ACOT12: variants seen among roughly 807,000 people sequenced by gnomAD.
The protein encoded by ACOT12 is acyl-CoA thioesterase 12.
Under a neutral mutation model 67.7 loss-of-function variants are expected in ACOT12, and 51 were observed. That is an observed-to-expected ratio of 0.75 (90% CI 0.60 to 0.95). ACOT12 has a LOEUF of 0.95. Ranked by LOEUF, ACOT12 falls within the 40% of genes least tolerant of loss-of-function variation. ACOT12 has a pLI of 0.00. For missense variants in ACOT12, 734 were observed against 708.1 expected, an observed-to-expected ratio of 1.04 and a Z score of -0.41; for synonymous variants, 251 against 244.6, an observed-to-expected ratio of 1.03 and a Z score of -0.24.
chr5:81,319,996 A>G, the ACOT12 span, among the ~76,000 whole-genome samples: 6 of 152,196 alleles, frequency 3.9e-5, no homozygotes, highest in Non-Finnish European at 8.8e-5. Flanking sequence ...TTGCAGTAAG[A>G]AATGATAGTG....
At chr5:81,385,869 G>A (rs763165026) in intron 1 of ACOT12, 43 bp from the exon 2 acceptor site, 2 of 1,566,572 alleles carry the variant, frequency 1.3e-6, no homozygotes, top group African/African-American at 2.7e-5. Flanking sequence ...GTGGTGATAT[G>A]AGAATATTTC....
rs532199941 is a variant in ACOT12, at chr5:81,344,823, G to A, written c.924+68C>T. The stretch of plus-strand genomic sequence containing the variant: ...GAGCCAAAGAGGTTGTTGCCGGTGG[G>A]AGGAGATTCTAGGTAGAGCTCTCTA... On this transcript the variant is annotated intron_variant, in intron 8 of 14. Coordinates refer to ENST00000307624, the MANE Select transcript of ACOT12 (RefSeq NM_130767.3). 163 of 1,570,346 alleles carry A rather than the reference G, an allele frequency of 1.0e-4. No homozygotes were observed. The African/African-American group carries it at 1.7e-3, about 17-fold the overall frequency.
chr5:81,385,624 G>T, intron 2 of ACOT12, 133 bp downstream of exon 2: 2 of 748,526 alleles, frequency 2.7e-6, no homozygotes, highest in East Asian at 2.6e-5. Context: ...TACCTAAATT[G>T]GGTCACATGT....
chr5:81,387,759 G>GA (rs1161146980), intron 1 of ACOT12, among the ~76,000 whole-genome samples: 1 of 151,976 alleles, frequency 6.6e-6, no homozygotes, highest in African/African-American at 2.4e-5. Context: ...TGCCCAAGCT[G>GA]GTCCCAAACT....
chr5:81,328,069 T>G (rs188597404), downstream of ACOT12, among the ~76,000 whole-genome samples: 2 of 152,266 alleles, frequency 1.3e-5, no homozygotes, highest in Admixed American at 1.3e-4. Context: ...GTTCTTTGCT[T>G]TCCTAGAATG....
intron 3 of ACOT12, among the ~76,000 whole-genome samples, chr5:81,364,556 T>C (rs1158056143): frequency 6.6e-6 from 1 of 151,828 alleles, no homozygotes; most frequent in Admixed American, 6.6e-5. Context: ...GCCTCCGGAG[T>C]AGCTGGGACT....
chr5:81,321,313 T>C, the ACOT12 span, among the ~76,000 whole-genome samples: 212 of 152,254 alleles, frequency 1.4e-3, 2 homozygotes, highest in African/African-American at 5.0e-3. Context: ...TGTGTCCTCA[T>C]ATGGTAGAAA....
chr5:81,384,766 G>C (rs1290935485), intron 2 of ACOT12, among the ~76,000 whole-genome samples: 1 of 152,160 alleles, frequency 6.6e-6, no homozygotes, highest in Non-Finnish European at 1.5e-5. Flanking sequence ...TGATGCTTGG[G>C]GTTTTCCTCA....
At chr5:81,345,535 C>G (rs1455097886) in intron 7 of ACOT12, among the ~76,000 whole-genome samples, 1 of 152,022 alleles carries the variant, frequency 6.6e-6, no homozygotes, top group East Asian at 1.9e-4. Flanking sequence ...GTTTGGATTT[C>G]ATGGTGGTAA....
At chr5:81,337,461 T>G (rs1759041414) in intron 11 of ACOT12, among the ~76,000 whole-genome samples, 1 of 152,162 alleles carries the variant, frequency 6.6e-6, no homozygotes, top group Admixed American at 6.5e-5. Context: ...GAAATGGGGC[T>G]CTTGCAGATG....
rs543170678 is a variant in ACOT12, at chr5:81,357,840, C to G, written c.496+2063G>C. Among the ~76,000 whole-genome samples the G allele has an allele frequency of 4.9e-4, 75 of 151,804 alleles. 1 individual carries two copies. Among genetic ancestry groups the G allele is most frequent in the African/African-American group, 1.7e-3 (72 of 41,418 alleles). The stretch of plus-strand genomic sequence containing the variant: ...GGCCAATGTGGTGAAACCTCGTCTC[C>G]CCTAAAAACACAAAAATTAGCTGGG... On this transcript the variant is annotated intron_variant, in intron 5 of 14. Transcript: ENST00000307624.
chr5:81,393,529 C>G (rs1223013133), intron 1 of ACOT12, among the ~76,000 whole-genome samples: 1 of 152,002 alleles, frequency 6.6e-6, no homozygotes, highest in Non-Finnish European at 1.5e-5. Context: ...TAGTGAGACC[C>G]CATCTCTACA....
chr5:81,391,903 C>A (rs1760873837), intron 1 of ACOT12, among the ~76,000 whole-genome samples: 1 of 152,142 alleles, frequency 6.6e-6, no homozygotes, highest in African/African-American at 2.4e-5. Context: ...TTTTGACTTG[C>A]TCAACTAGAT....
At chr5:81,371,329 T>C (rs1166228097) in intron 3 of ACOT12, among the ~76,000 whole-genome samples, 1 of 152,124 alleles carries the variant, frequency 6.6e-6, no homozygotes, top group Non-Finnish European at 1.5e-5. Context: ...CAAAGCTCAT[T>C]GTAGCCTCAA....
chr5:81,355,380 A>G (rs1337683647), intron 5 of ACOT12, among the ~76,000 whole-genome samples: 2 of 152,262 alleles, frequency 1.3e-5, no homozygotes, highest in African/African-American at 2.4e-5. Context: ...ACTATTCAGC[A>G]TAACACAGAA....
At chr5:81,353,404 T>C (rs561428756) in intron 5 of ACOT12, among the ~76,000 whole-genome samples, 1 of 152,346 alleles carries the variant, frequency 6.6e-6, no homozygotes. Context: ...TCAAGTTCAA[T>C]ACGTGTACTT....
intron 5 of ACOT12, among the ~76,000 whole-genome samples, chr5:81,356,027 G>A (rs1365054910): frequency 3.9e-5 from 6 of 152,198 alleles, no homozygotes; most frequent in African/African-American, 1.4e-4. Context: ...TTGGGGCCAT[G>A]AGGCTCGCAG....
At chr5:81,323,889 CATATATACGTATATATACACGT>C in the ACOT12 span, among the ~76,000 whole-genome samples, 3 of 137,186 alleles carry the variant, frequency 2.2e-5, no homozygotes, top group East Asian at 6.0e-4. Context: ...TATATGTATA[CATATATACGTATATATACACGT>C]ATATATACGT....
At chr5:81,361,960 G>A (rs1422783419) in intron 4 of ACOT12, among the ~76,000 whole-genome samples, 1 of 152,164 alleles carries the variant, frequency 6.6e-6, no homozygotes, top group East Asian at 1.9e-4. Flanking sequence ...CCAAACCACT[G>A]ATTTTTCATG....
Sources: allele counts gnomAD v4.1 joint callset (sites outside exome capture counted in the v4.1 genomes callset), GRCh38; gene constraint gnomAD v4.1.1; transcripts MANE v1.5; gene names NCBI Gene and HGNC (gene_info 2026-07-23, HGNC 2026-07-21).